Variants in RIPOR2 observed in about 807,000 individuals in gnomAD.
The protein encoded by RIPOR2 is rho family-interacting cell polarization regulator 2.
Under a neutral mutation model 114.5 loss-of-function variants are expected in RIPOR2, and 39 were observed. The ratio of observed to expected loss-of-function variants is 0.34; its 90% CI spans 0.26 to 0.44. The LOEUF is 0.44. Among genes scored for constraint, RIPOR2 ranks in the 20% least tolerant of loss-of-function variants. The probability of loss-of-function intolerance (pLI) is 1.00; values close to 1 mark genes in which losing one functional copy is unlikely to be tolerated. For synonymous variants in RIPOR2, 445 were observed against 484.4 expected, an observed-to-expected ratio of 0.92 and a Z score of 1.07; for missense variants, 1,007 against 1,255.1, an observed-to-expected ratio of 0.80 and a Z score of 2.99.
At chr6:24,850,142 G>A (rs1762730007) in intron 10 of RIPOR2, among the ~76,000 whole-genome samples, 192 bp from the exon 11 acceptor site, 2 of 148,952 alleles carry the variant, frequency 1.3e-5, no homozygotes, top group Non-Finnish European at 3.0e-5. Flanking sequence ...TGTCACCCAG[G>A]CTATAGTGCA....
intron 1 of RIPOR2, among the ~76,000 whole-genome samples, chr6:24,911,337 C>G (rs1581781008): frequency 1.3e-5 from 2 of 152,204 alleles, no homozygotes; most frequent in Admixed American, 1.3e-4. Context: ...CGCCGGGGAG[C>G]GAGCCCGGTG....
intron 1 of RIPOR2, among the ~76,000 whole-genome samples, chr6:24,934,893 C>G (rs994959868): frequency 2.0e-5 from 3 of 152,102 alleles, no homozygotes; most frequent in African/African-American, 7.2e-5. Flanking sequence ...GAACAGAAAA[C>G]TGAGCAGTGC....
intron 1 of RIPOR2, among the ~76,000 whole-genome samples, chr6:24,913,287 T>G (rs1387471241): frequency 6.6e-6 from 1 of 152,158 alleles, no homozygotes; most frequent in Admixed American, 6.5e-5. Context: ...GATTTAGGAC[T>G]GAAGCTCTAA....
intron 1 of RIPOR2, among the ~76,000 whole-genome samples, chr6:24,928,907 C>G (rs898100865): frequency 3.9e-5 from 6 of 152,158 alleles, no homozygotes; most frequent in African/African-American, 1.4e-4. Flanking sequence ...CTTTACCCAC[C>G]CCAAAAAGTT....
intron 7 of RIPOR2, among the ~76,000 whole-genome samples, chr6:24,862,603 T>C (rs1434630518): frequency 6.6e-6 from 1 of 152,210 alleles, no homozygotes; most frequent in East Asian, 1.9e-4. Context: ...CTTGAAAGCC[T>C]TGAAAACAAA....
At chr6:24,932,443 C>T (rs1424674215) in intron 1 of RIPOR2, among the ~76,000 whole-genome samples, 1 of 148,746 alleles carries the variant, frequency 6.7e-6, no homozygotes. Flanking sequence ...TTCTTTCTGT[C>T]TCTCTTTCTC....
At chr6:25,000,318 C>T (rs774926269) in intron 1 of RIPOR2, among the ~76,000 whole-genome samples, 19 of 152,192 alleles carry the variant, frequency 1.2e-4, no homozygotes, top group Non-Finnish European at 2.6e-4. Flanking sequence ...CGAAAACTCA[C>T]ACAATGCACT....
intron 1 of RIPOR2, among the ~76,000 whole-genome samples, chr6:25,033,462 G>C (rs567150121): frequency 2.0e-4 from 31 of 152,092 alleles, no homozygotes; most frequent in Non-Finnish European, 3.8e-4. Context: ...TGCAGCCCTG[G>C]TATCAGCATT....
At chr6:24,974,826 A>G (rs975560412) in intron 1 of RIPOR2, among the ~76,000 whole-genome samples, 9 of 152,236 alleles carry the variant, frequency 5.9e-5, no homozygotes, top group Non-Finnish European at 1.3e-4. Flanking sequence ...AGTAAGAGGT[A>G]TTGATACACG....
rs185821379 is a variant in RIPOR2, at chr6:24,974,136, C to T, written c.76+67715G>A. Among the ~76,000 whole-genome samples the T allele has an allele frequency of 2.2e-4, 33 of 152,300 alleles. 1 individual carries two copies. Among genetic ancestry groups the T allele is most frequent in the African/African-American group, 7.5e-4 (31 of 41,554 alleles). On this transcript the variant is annotated intron_variant, in intron 1 of 13. Transcript: ENST00000510784. ...TGGTGGCTCATGCCTGTAATCCCAG[C>T]ACTTTGGGAGGCAGAGGTGGGAGGA...
intron 7 of RIPOR2, among the ~76,000 whole-genome samples, chr6:24,862,021 A>C (rs1764116149): frequency 6.6e-6 from 1 of 152,238 alleles, no homozygotes; most frequent in Non-Finnish European, 1.5e-5. Context: ...TTTGGGTCTG[A>C]CAAGGGTCTT....
At chr6:24,865,497 G>A (rs1764513503) in intron 6 of RIPOR2, 47 bp from the exon 7 acceptor site, 2 of 1,489,290 alleles carry the variant, frequency 1.3e-6, no homozygotes, top group Non-Finnish European at 1.8e-6. Flanking sequence ...AGGCTTGAAA[G>A]AAAATACATA....
At position 24,865,448 on chromosome 6, in the gene RIPOR2, T is replaced by G; in HGVS notation, c.504A>C (p.Val168=). 6.2e-7 allele frequency: 1 copy of G among 1,603,118 alleles called. No homozygotes were observed. Residue 168 remains valine (V), a splice_region_variant and synonymous_variant, in exon 7 of 22, where the codon GTA becomes GTC. Transcript: ENST00000643898. ...MRRLEFHISK[V]DELYEAYCIQ... ...TACAATAAGCTTCATAGAGTTCATC[T>G]ACCTGCCAGAATCAAAACAGGAAAC...
At chr6:24,914,044 A>AC (rs1284939005) in intron 1 of RIPOR2, among the ~76,000 whole-genome samples, 11 of 151,892 alleles carry the variant, frequency 7.2e-5, no homozygotes, top group Non-Finnish European at 1.3e-4. Flanking sequence ...AATTGAATAC[A>AC]CCCCTAATGG....
chr6:25,031,741 ATATATATAT>A (rs1561855886), intron 1 of RIPOR2, among the ~76,000 whole-genome samples: 1,234 of 88,620 alleles, frequency 0.014, 43 homozygotes, highest in South Asian at 0.023. Context: ...ATATATATAT[ATATATATAT>A]AAAATATCCA....
intron 19 of RIPOR2, among the ~76,000 whole-genome samples, chr6:24,820,235 G>A (rs890672948): frequency 2.6e-5 from 4 of 151,572 alleles, no homozygotes; most frequent in Admixed American, 2.6e-4. Context: ...GTTTCACCAC[G>A]TTGGCCAGGC....
upstream of RIPOR2, among the ~76,000 whole-genome samples, chr6:24,940,108 T>C (rs1189182550): frequency 3.3e-5 from 5 of 152,218 alleles, no homozygotes; most frequent in Non-Finnish European, 7.3e-5. Flanking sequence ...ATGTGTTGTG[T>C]TGAACATATG....
intron 1 of RIPOR2, among the ~76,000 whole-genome samples, chr6:24,907,671 C>G (rs973703601): frequency 6.6e-6 from 1 of 152,158 alleles, no homozygotes; most frequent in Non-Finnish European, 1.5e-5. Context: ...TGATTTTGTT[C>G]AGTTGAATCA....
At chr6:24,839,806 C>A in intron 13 of RIPOR2, 4 of 1,351,602 alleles carry the variant, frequency 3.0e-6, no homozygotes, top group Non-Finnish European at 3.8e-6. Context: ...GTGGCAATGT[C>A]TTCGGTGTTT....
Sources: gnomAD v4.1 joint callset for allele counts (sites outside exome capture counted in the v4.1 genomes callset) on GRCh38, gnomAD v4.1.1 for gene constraint, MANE v1.5 for transcripts, NCBI Gene and HGNC (gene_info 2026-07-23, HGNC 2026-07-21) for gene names.